Variants in CHRM3 observed in about 807,000 individuals in gnomAD.
CHRM3 encodes cholinergic receptor muscarinic 3.
Under a neutral mutation model 41.8 loss-of-function variants are expected in CHRM3, and 11 were observed. The observed-to-expected ratio is 0.26, with a 90% CI of 0.17 to 0.44. The LOEUF is 0.44. CHRM3 is among the 20% of genes least tolerant of loss of function. The pLI is 1.00. For synonymous variants in CHRM3, 297 were observed against 301.4 expected, an observed-to-expected ratio of 0.99 and a Z score of 0.15; for missense variants, 571 against 745.4, an observed-to-expected ratio of 0.77 and a Z score of 2.72.
chr1:239,482,277 C>G (rs1461014571), intron 1 of CHRM3, among the ~76,000 whole-genome samples: 5 of 152,232 alleles, frequency 3.3e-5, no homozygotes, highest in Non-Finnish European at 5.9e-5. Flanking sequence ...TATCATGTCT[C>G]TTTTCTGCAT....
rs141432571 is a variant in CHRM3, at chr1:239,654,524, G to A, written c.-250+22238G>A. Among the ~76,000 whole-genome samples the A allele has an allele frequency of 3.2e-3, 488 of 152,160 alleles. 1 individual carries two copies. The highest frequency in any genetic ancestry group is 0.011 in the African/African-American group (457 of 41,520). On this transcript the variant is annotated intron_variant, in intron 4 of 6. Transcript: ENST00000676153. Reference sequence around the variant, plus strand: ...AGTGATTCTTCTGCCTCAGCCTCCCGAGTAGCTGGGACTACAGGCACACAC... The same window carrying A: ...AGTGATTCTTCTGCCTCAGCCTCCCAAGTAGCTGGGACTACAGGCACACAC...
chr1:239,537,098 T>G (rs2148366191), intron 2 of CHRM3, among the ~76,000 whole-genome samples: 1 of 152,232 alleles, frequency 6.6e-6, no homozygotes, highest in South Asian at 2.1e-4. Flanking sequence ...CTGCAGTTTC[T>G]TAAAAAAAAA....
intron 1 of CHRM3, among the ~76,000 whole-genome samples, chr1:239,478,435 C>A (rs975658762): frequency 5.3e-5 from 8 of 152,082 alleles, no homozygotes; most frequent in African/African-American, 1.9e-4. Flanking sequence ...TAGACACAAA[C>A]CTGGATATAG....
intron 5 of CHRM3, among the ~76,000 whole-genome samples, chr1:239,713,598 G>T (rs987386283): frequency 6.6e-6 from 1 of 152,182 alleles, no homozygotes; most frequent in Non-Finnish European, 1.5e-5. Context: ...TTGATGAGAA[G>T]CATCCCTCTA....
chr1:239,541,845 G>T (rs1558304152), intron 2 of CHRM3, among the ~76,000 whole-genome samples: 1 of 152,086 alleles, frequency 6.6e-6, no homozygotes, highest in African/African-American at 2.4e-5. Flanking sequence ...CACCAAGATT[G>T]CCTTTCTGTC....
chr1:239,726,554 C>G (rs1417291557), intron 5 of CHRM3, among the ~76,000 whole-genome samples: 1 of 151,836 alleles, frequency 6.6e-6, no homozygotes, highest in African/African-American at 2.4e-5. Context: ...GTAGTTGTAT[C>G]AGGTTTTGTG....
At chr1:239,520,249 A>G (rs543080317) in intron 2 of CHRM3, among the ~76,000 whole-genome samples, 1 of 152,324 alleles carries the variant, frequency 6.6e-6, no homozygotes, top group South Asian at 2.1e-4. Flanking sequence ...TAAGTACTCC[A>G]GTATTTAACA....
chr1:239,608,598 G>C (rs1312680577), intron 3 of CHRM3, among the ~76,000 whole-genome samples: 1 of 152,062 alleles, frequency 6.6e-6, no homozygotes, highest in East Asian at 1.9e-4. Flanking sequence ...TGGTAATTCT[G>C]TGTCTTAGAA....
At chr1:239,477,759 C>T (rs879748514) in intron 1 of CHRM3, among the ~76,000 whole-genome samples, 3 of 152,072 alleles carry the variant, frequency 2.0e-5, no homozygotes, top group Admixed American at 6.6e-5. Flanking sequence ...GAGCAAAATT[C>T]CTTTAGAAAA....
At chr1:239,587,420 G>A (rs1337477425) in intron 3 of CHRM3, among the ~76,000 whole-genome samples, 2 of 152,162 alleles carry the variant, frequency 1.3e-5, no homozygotes, top group African/African-American at 4.8e-5. Flanking sequence ...TAGATAGAGA[G>A]TCCTCCCCTC....
At chr1:239,796,785 G>T (rs887443897) in intron 5 of CHRM3, among the ~76,000 whole-genome samples, 1 of 152,012 alleles carries the variant, frequency 6.6e-6, no homozygotes. Flanking sequence ...CTTTTAGTGT[G>T]TCCCTCACCC....
intron 1 of CHRM3, among the ~76,000 whole-genome samples, chr1:239,460,391 C>G (rs1241699561): frequency 6.6e-6 from 1 of 152,108 alleles, no homozygotes; most frequent in Non-Finnish European, 1.5e-5. Flanking sequence ...ATGACACCTT[C>G]TCTATTAGGA....
At chr1:239,807,574 A>T (rs1234266857) in intron 5 of CHRM3, among the ~76,000 whole-genome samples, 1 of 152,246 alleles carries the variant, frequency 6.6e-6, no homozygotes, top group Non-Finnish European at 1.5e-5. Flanking sequence ...TGGGATTTAA[A>T]TAACATTCTC....
rs577192763 is a variant in CHRM3 at position 239,705,894 on chromosome 1, C to T, written c.-147+27606C>T. On this transcript the variant is annotated intron_variant, in intron 5 of 6. Coordinates refer to ENST00000676153, the MANE Select transcript of CHRM3 (RefSeq NM_001375978.1). ...AAATTACCTTGGAATACTAAGTAAG[C>T]TTTTATATACAACTGAGATGCAAAG... 1.8e-4 allele frequency among the ~76,000 whole-genome samples: 27 copies of T among 151,802 alleles called. No homozygotes were observed. The South Asian group carries it at 5.4e-3, about 30-fold the overall frequency.
chr1:239,602,011 TTTAAAA>T, intron 3 of CHRM3, among the ~76,000 whole-genome samples: 1 of 151,314 alleles, frequency 6.6e-6, no homozygotes, highest in Non-Finnish European at 1.5e-5. Flanking sequence ...CACTTCTGAC[TTTAAAA>T]TTATATCTAT....
At chr1:239,813,866 G>A (rs1226919425) in intron 5 of CHRM3, among the ~76,000 whole-genome samples, 6 of 134,908 alleles carry the variant, frequency 4.4e-5, no homozygotes, top group East Asian at 2.1e-4. Context: ...GCAGTGAGCC[G>A]AGATCCCGCC....
At chr1:239,894,705 T>A (rs1330523300) in intron 6 of CHRM3, among the ~76,000 whole-genome samples, 2 of 152,114 alleles carry the variant, frequency 1.3e-5, no homozygotes, top group Non-Finnish European at 2.9e-5. Context: ...AGTGGTGGTA[T>A]TACAGGCATG....
chr1:239,612,136 T>G (rs1159424365), intron 3 of CHRM3, among the ~76,000 whole-genome samples: 9 of 152,192 alleles, frequency 5.9e-5, no homozygotes, highest in Admixed American at 5.9e-4. Context: ...CCACGCCTTT[T>G]TTTGTTAGAT....
chr1:239,677,196 T>C (rs1658097009), intron 4 of CHRM3, among the ~76,000 whole-genome samples: 1 of 152,164 alleles, frequency 6.6e-6, no homozygotes, highest in Non-Finnish European at 1.5e-5. Context: ...GATCTACATC[T>C]AACTTGGCCT....
Sources: allele counts gnomAD v4.1 joint callset (sites outside exome capture counted in the v4.1 genomes callset), GRCh38; gene constraint gnomAD v4.1.1; transcripts MANE v1.5; gene names NCBI Gene and HGNC (gene_info 2026-07-23, HGNC 2026-07-21).